TENM2: variants seen among roughly 807,000 people sequenced by gnomAD.
TENM2 encodes teneurin transmembrane protein 2, also known as teneurin-2.
A neutral mutation model predicts 245.2 loss-of-function variants in TENM2; 52 were observed. The ratio of observed to expected loss-of-function variants is 0.21; its 90% CI spans 0.17 to 0.27. The LOEUF is 0.27. TENM2 is among the 10% of genes least tolerant of loss of function. TENM2 has a pLI of 1.00. For synonymous variants in TENM2, 1,363 were observed against 1,438.9 expected (o/e 0.95, Z 1.19); for missense variants, 3,046 against 3,666.8 (o/e 0.83, Z 4.37).
chr5:167,345,328 G>A (rs1321444308), intron 1 of TENM2, among the ~76,000 whole-genome samples: 1 of 152,186 alleles, frequency 6.6e-6, no homozygotes, highest in African/African-American at 2.4e-5. Context: ...GCTTGTGGCT[G>A]AGCGCAAGGA....
exon 5 of TENM2, chr5:167,992,959 G>C: frequency 6.2e-7 from 1 of 1,613,884 alleles, no homozygotes. Context: ...TCCTCTTCAA[G>C]ACCTCCTCGG....
chr5:167,647,841 A>G (rs1780071329), intron 2 of TENM2, among the ~76,000 whole-genome samples: 1 of 152,084 alleles, frequency 6.6e-6, no homozygotes, highest in African/African-American at 2.4e-5. Context: ...AACCCTTCCC[A>G]ATTTAGAAAC....
chr5:168,256,626 T>C (rs568962777), intron 27 of TENM2, among the ~76,000 whole-genome samples: 1 of 152,268 alleles, frequency 6.6e-6, no homozygotes, highest in Admixed American at 6.5e-5. Context: ...GGTTTCACCA[T>C]ATTGGCCAGG....
chr5:168,024,068 G>A (rs1240335832), intron 5 of TENM2, among the ~76,000 whole-genome samples: 1 of 152,122 alleles, frequency 6.6e-6, no homozygotes, highest in Non-Finnish European at 1.5e-5. Flanking sequence ...GACATATACA[G>A]ATAGACTCCA....
intron 3 of TENM2, among the ~76,000 whole-genome samples, chr5:167,898,860 T>C (rs761919439): frequency 3.0e-4 from 46 of 152,026 alleles, no homozygotes; most frequent in Non-Finnish European, 4.3e-4. Flanking sequence ...AAAGCAAGAA[T>C]GGGGATTGGG....
chr5:168,252,945 C>G (rs1201900776), intron 27 of TENM2, among the ~76,000 whole-genome samples: 3 of 151,722 alleles, frequency 2.0e-5, no homozygotes, highest in African/African-American at 4.8e-5. Context: ...CCCTTTAGAG[C>G]CACAGTATTT....
At chr5:167,010,827 C>A in the TENM2 span, among the ~76,000 whole-genome samples, 3 of 152,110 alleles carry the variant, frequency 2.0e-5, no homozygotes, top group Admixed American at 6.5e-5. Flanking sequence ...ACCACAGTTT[C>A]TTGGACGAGT....
intron 2 of TENM2, among the ~76,000 whole-genome samples, chr5:167,755,966 C>G (rs769175231): frequency 5.9e-5 from 9 of 152,118 alleles, no homozygotes; most frequent in Middle Eastern, 3.2e-3. Context: ...TACAAAGTAT[C>G]TTCACTGTAT....
rs6883930 is a variant in TENM2, at chr5:168,259,046, C to T, written c.7433-1237C>T. On this transcript the variant is annotated intron_variant, in intron 27 of 28. Transcript: ENST00000518659. ...AATAATAATACAAAAATGAGCCAGGCGTGGTGGCGGGCACCTGTAATCCCA... is the reference window on the plus strand; with the variant it reads ...AATAATAATACAAAAATGAGCCAGGTGTGGTGGCGGGCACCTGTAATCCCA... Among the ~76,000 whole-genome samples the T allele has an allele frequency of 9.6e-3, 1,446 of 151,318 alleles. 22 individuals carry two copies. Among genetic ancestry groups the T allele is most frequent in the African/African-American group, 0.033 (1,367 of 41,056 alleles).
At chr5:167,019,560 T>C in the TENM2 span, among the ~76,000 whole-genome samples, 1 of 152,082 alleles carries the variant, frequency 6.6e-6, no homozygotes. Flanking sequence ...AACCTCCATC[T>C]CCTGGGTTCA....
chr5:168,019,800 A>C (rs1054803267), intron 5 of TENM2, among the ~76,000 whole-genome samples: 9 of 152,194 alleles, frequency 5.9e-5, no homozygotes, highest in African/African-American at 2.2e-4. Context: ...GGGTTTAATA[A>C]ACTTTCCTAT....
chr5:167,919,920 G>T (rs1485185795), intron 3 of TENM2, among the ~76,000 whole-genome samples: 1 of 152,142 alleles, frequency 6.6e-6, no homozygotes, highest in Non-Finnish European at 1.5e-5. Flanking sequence ...ACTAGAAATG[G>T]AATAAATCAA....
chr5:168,034,115 ATATGTGTATATATATATATG>A, intron 5 of TENM2, among the ~76,000 whole-genome samples: 1 of 119,430 alleles, frequency 8.4e-6, no homozygotes, highest in African/African-American at 4.1e-5. Flanking sequence ...GTATACATAT[ATATGTGTATATATATATATG>A]TATACATATA....
intron 2 of TENM2, among the ~76,000 whole-genome samples, chr5:167,511,598 C>A (rs1220304364): frequency 6.6e-6 from 1 of 152,158 alleles, no homozygotes; most frequent in South Asian, 2.1e-4. Context: ...CTTATTGAAT[C>A]TCAGTTTCCT....
intron 9 of TENM2, among the ~76,000 whole-genome samples, chr5:168,106,402 C>T (rs1794246538): frequency 6.6e-6 from 1 of 152,010 alleles, no homozygotes; most frequent in Non-Finnish European, 1.5e-5. Context: ...ACTATATACG[C>T]CAACCACCGT....
At chr5:167,852,456 C>A (rs1770671919) in intron 2 of TENM2, among the ~76,000 whole-genome samples, 1 of 152,206 alleles carries the variant, frequency 6.6e-6, no homozygotes, top group African/African-American at 2.4e-5. Flanking sequence ...AAAAGACATT[C>A]AGCAGCTGCA....
intron 2 of TENM2, among the ~76,000 whole-genome samples, chr5:167,702,577 T>TATATAC: frequency 6.9e-6 from 1 of 145,526 alleles, no homozygotes. Flanking sequence ...TATATACATA[T>TATATAC]ATATATATAT....
At position 167,815,477 on chromosome 5, in the gene TENM2, C is replaced by T. The variant is rs554268934; in HGVS notation, c.503-60509C>T. Among the ~76,000 whole-genome samples the T allele has an allele frequency of 5.3e-5, 8 of 152,238 alleles. No homozygotes were observed. The South Asian group carries it at 1.2e-3, about 24-fold the overall frequency. On this transcript the variant is annotated intron_variant, in intron 2 of 28. Coordinates refer to ENST00000518659, the Ensembl canonical transcript of TENM2. ...TTTATGGGGAGGCTAAAATGGGAGA[C>T]TTACACAGCTAGGAAGAGATTCAAA... is the stretch of plus-strand genomic sequence containing the variant.
chr5:167,996,114 G>A lies in TENM2; in HGVS notation c.1186+2932G>A, dbSNP rs553463384. Among the ~76,000 whole-genome samples, 11 of 152,240 alleles carry A rather than the reference G, an allele frequency of 7.2e-5. No homozygotes were observed. In the South Asian group the frequency reaches 8.3e-4, roughly 11 times the overall value. On this transcript the variant is annotated intron_variant, in intron 5 of 28. Transcript: ENST00000518659. ...TTATCATCCTTGCGTGTTCAAACCCGAAGAAAGAAGACTTTCCAGAAATGA... is the reference window on the plus strand; with the variant it reads ...TTATCATCCTTGCGTGTTCAAACCCAAAGAAAGAAGACTTTCCAGAAATGA...
Sources: allele counts gnomAD v4.1 joint callset (sites outside exome capture counted in the v4.1 genomes callset), GRCh38; gene constraint gnomAD v4.1.1; transcripts MANE v1.5; gene names NCBI Gene and HGNC (gene_info 2026-07-23, HGNC 2026-07-21).